The following GALNT2 variants were observed in gnomAD, a reference collection of about 807,000 sequenced individuals.
GALNT2 encodes UDP-GalNAc:polypeptide N-acetylgalactosaminyltransferase 2.
A neutral mutation model predicts 81.4 loss-of-function variants in GALNT2; 31 were observed. The ratio of observed to expected loss-of-function variants is 0.38; its 90% CI spans 0.29 to 0.51. GALNT2 has a LOEUF of 0.51. Ranked by LOEUF, GALNT2 falls within the 20% of genes least tolerant of loss-of-function variation. The pLI is 0.87. For missense variants in GALNT2, 629 were observed against 765.7 expected, an observed-to-expected ratio of 0.82 and a Z score of 2.11; for synonymous variants, 303 against 287.4, an observed-to-expected ratio of 1.05 and a Z score of -0.55.
At chr1:230,246,252 C>T (rs1014638193) in intron 8 of GALNT2, 102 bp downstream of exon 8, 6 of 916,232 alleles carry the variant, frequency 6.5e-6, no homozygotes, top group East Asian at 2.4e-5. Flanking sequence ...CAACAGTGTT[C>T]ACGCCGTAGT....
chr1:230,187,305 C>G (rs1045441220), intron 2 of GALNT2, among the ~76,000 whole-genome samples: 2 of 152,264 alleles, frequency 1.3e-5, no homozygotes, highest in African/African-American at 4.8e-5. Flanking sequence ...GAATTACATG[C>G]ATATTGCCGT....
intron 1 of GALNT2, among the ~76,000 whole-genome samples, chr1:230,130,591 G>A (rs1661336624): frequency 1.3e-5 from 2 of 152,210 alleles, no homozygotes; most frequent in Non-Finnish European, 2.9e-5. Context: ...ACCGGGCCCT[G>A]GGGACCGACC....
At chr1:230,245,553 CCTT>C (rs1160264582) in intron 7 of GALNT2, among the ~76,000 whole-genome samples, 1 of 152,084 alleles carries the variant, frequency 6.6e-6, no homozygotes, top group Non-Finnish European at 1.5e-5. Flanking sequence ...ATTTGGTTAA[CCTT>C]CTGCTGTGAT....
intron 1 of GALNT2, among the ~76,000 whole-genome samples, chr1:230,152,289 C>T (rs539531830): frequency 1.4e-4 from 22 of 152,246 alleles, no homozygotes; most frequent in African/African-American, 5.3e-4. Context: ...TCTTTGAATC[C>T]CCAGTCGGGC....
At chr1:230,258,601 T>C (rs1306686749) in intron 11 of GALNT2, 1 of 152,228 alleles carries the variant, frequency 6.6e-6, no homozygotes, top group East Asian at 1.9e-4. Flanking sequence ...ATAGGGAATC[T>C]GATTTCTGAG....
intron 2 of GALNT2, among the ~76,000 whole-genome samples, chr1:230,189,099 G>A (rs1023054888): frequency 2.6e-5 from 4 of 152,152 alleles, no homozygotes; most frequent in Non-Finnish European, 5.9e-5. Context: ...TCTTGTTGGA[G>A]ATCTCTCACC....
chr1:230,153,747 C>G (rs1009747290), intron 1 of GALNT2, among the ~76,000 whole-genome samples: 1 of 152,208 alleles, frequency 6.6e-6, no homozygotes, highest in African/African-American at 2.4e-5. Flanking sequence ...GAGGCCACTC[C>G]GCTCTTGGAG....
chr1:230,159,014 G>C (rs1174043777), intron 1 of GALNT2, among the ~76,000 whole-genome samples: 1 of 152,214 alleles, frequency 6.6e-6, no homozygotes, highest in Non-Finnish European at 1.5e-5. Context: ...AGGTGAAGGG[G>C]CAGGTGGCAT....
intron 2 of GALNT2, among the ~76,000 whole-genome samples, chr1:230,192,649 A>G (rs1196306743): frequency 6.6e-6 from 1 of 152,264 alleles, no homozygotes; most frequent in African/African-American, 2.4e-5. Context: ...GCACTTTATC[A>G]ATTTGATACT....
In GALNT2 at chr1:230,127,677, G is replaced by GT. The variant is rs35125935; in HGVS notation, c.127-50530dup. 9.3e-4 allele frequency among the ~76,000 whole-genome samples: 138 copies of GT among 148,032 alleles called. 1 individual carries two copies. The Middle Eastern group carries it at 0.011, about 11-fold the overall frequency. On this transcript the variant is annotated intron_variant, in intron 1 of 15. Coordinates refer to ENST00000366672, the MANE Select transcript of GALNT2 (RefSeq NM_004481.5). ...ATGTGAGCCACTGTGCCGGCCGAGGGTTTTTTTTTTTAATTTTAAAGAGCT... is the reference window on the plus strand; with the variant it reads ...ATGTGAGCCACTGTGCCGGCCGAGGGTTTTTTTTTTTTAATTTTAAAGAGCT...
intron 1 of GALNT2, among the ~76,000 whole-genome samples, chr1:230,099,585 A>G (rs1450374291): frequency 1.3e-5 from 2 of 152,214 alleles, no homozygotes; most frequent in African/African-American, 2.4e-5. Context: ...AGGGTAGCAT[A>G]TGCTCCATTG....
chr1:230,062,474 C>T (rs1013670621), upstream of GALNT2, among the ~76,000 whole-genome samples: 17 of 152,194 alleles, frequency 1.1e-4, no homozygotes, highest in African/African-American at 9.6e-5. Flanking sequence ...CATCTCAAAC[C>T]GAAACTCCGA....
chr1:230,227,317 C>G (rs1400053818), intron 3 of GALNT2, among the ~76,000 whole-genome samples: 1 of 151,900 alleles, frequency 6.6e-6, no homozygotes, highest in Non-Finnish European at 1.5e-5. Flanking sequence ...ACCCTATTTC[C>G]TTCAGTAGTA....
intron 1 of GALNT2, among the ~76,000 whole-genome samples, chr1:230,161,555 C>T (rs1242582656): frequency 6.6e-6 from 1 of 152,224 alleles, no homozygotes; most frequent in African/African-American, 2.4e-5. Flanking sequence ...AATCTAGCAG[C>T]TGAATTTCAG....
In GALNT2 at chr1:230,279,391, T is replaced by C; in HGVS notation, c.1649T>C (p.Leu550Pro). ...AGTCGCACGGCCAAGAGCGGGGGCC[T>C]AAGCGTGGAGGTGTGTGGCCCGGCC... The part of the protein sequence containing the change: ...LDSRTAKSGG[L>P]SVEVCGPALS... Residue 550 changes from leucine to proline, a missense_variant, in exon 16 of 16, where the codon CTA (leucine) becomes CCA (proline). Around this residue, in one of 3 missense-constraint regions of GALNT2, gnomAD observed 207 missense variants for 225.5 expected, o/e 0.92. Transcript: ENST00000366672. The surrounding 1 kb of genome is among the most constrained non-coding windows in gnomAD (Gnocchi z 4.6). 6.2e-7 allele frequency: 1 copy of C among 1,614,124 alleles called. No homozygotes were observed.
chr1:230,173,007 G>A (rs959740719), intron 1 of GALNT2, among the ~76,000 whole-genome samples: 2 of 152,118 alleles, frequency 1.3e-5, no homozygotes, highest in African/African-American at 4.8e-5. Context: ...AATTCCATTT[G>A]TGCCTCTGTT....
chr1:230,101,652 A>G (rs995607078), intron 1 of GALNT2, among the ~76,000 whole-genome samples: 3 of 152,278 alleles, frequency 2.0e-5, no homozygotes, highest in South Asian at 2.1e-4. Flanking sequence ...TAAATGTTTA[A>G]TAAACAACAT....
At chr1:230,198,077 CTA>C (rs1172430740) in intron 2 of GALNT2, among the ~76,000 whole-genome samples, 1 of 152,248 alleles carries the variant, frequency 6.6e-6, no homozygotes. Flanking sequence ...TGTGTAAGAA[CTA>C]ACACGAAGCT....
At chr1:230,062,973 C>G (rs918608656), upstream of GALNT2, among the ~76,000 whole-genome samples, 1 of 152,182 alleles carries the variant, frequency 6.6e-6, no homozygotes, top group Admixed American at 6.5e-5. Context: ...TCCAATTTCT[C>G]TACATCCTCA....
Sources: gnomAD v4.1 joint callset for allele counts (sites outside exome capture counted in the v4.1 genomes callset) on GRCh38, gnomAD v4.1.1 for gene constraint, gnomAD v4.1.1 regional missense constraint, Gnocchi (gnomAD v3.1) non-coding constraint, MANE v1.5 for transcripts, NCBI Gene and HGNC (gene_info 2026-07-23, HGNC 2026-07-21) for gene names.